RGS6: variants seen among roughly 807,000 people sequenced by gnomAD.
The protein encoded by RGS6 is regulator of G-protein signaling 6.
Under a neutral mutation model 78.5 loss-of-function variants are expected in RGS6, and 30 were observed. The observed-to-expected ratio is 0.38, with a 90% CI of 0.29 to 0.52. The LOEUF is 0.52. Among genes scored for constraint, RGS6 ranks in the 20% least tolerant of loss-of-function variants. The probability of loss-of-function intolerance (pLI) is 0.85; values close to 1 mark genes in which losing one functional copy is unlikely to be tolerated. For synonymous variants in RGS6, 206 were observed against 206.0 expected (o/e 1.00, Z 0.00); for missense variants, 495 against 609.7 (o/e 0.81, Z 1.98).
chr14:72,527,560 T>C lies in RGS6; in HGVS notation c.1279-8626T>C, dbSNP rs554396563. On this transcript the variant is annotated intron_variant, in intron 15 of 17. Coordinates refer to ENST00000553525, the MANE Select transcript of RGS6 (RefSeq NM_001204424.2). Reference sequence around the variant, plus strand: ...CTGAAATAGTACAGCTAGACTCTGCTCCCAAATCCTCTTTGCTTCTTTCTC... The same window carrying C: ...CTGAAATAGTACAGCTAGACTCTGCCCCCAAATCCTCTTTGCTTCTTTCTC... 2.6e-5 allele frequency among the ~76,000 whole-genome samples: 4 copies of C among 152,316 alleles called. No individual in the cohort carries two copies. In the South Asian group the frequency reaches 8.3e-4, roughly 32 times the overall value.
intron 2 of RGS6, among the ~76,000 whole-genome samples, chr14:72,292,825 C>G (rs753292680): frequency 1.2e-4 from 19 of 152,224 alleles, no homozygotes; most frequent in Admixed American, 1.0e-3. Flanking sequence ...TGAAATCTCA[C>G]CACCTCCTGA....
intron 6 of RGS6, among the ~76,000 whole-genome samples, chr14:72,463,160 A>T (rs571635070): frequency 2.6e-5 from 4 of 152,202 alleles, no homozygotes; most frequent in Non-Finnish European, 5.9e-5. Context: ...GAGATGTGAG[A>T]TATAGGTAAG....
At chr14:72,369,134 A>ATG (rs1350790660) in intron 3 of RGS6, among the ~76,000 whole-genome samples, 4 of 152,198 alleles carry the variant, frequency 2.6e-5, no homozygotes, top group African/African-American at 9.6e-5. Flanking sequence ...CCTGAGCCAC[A>ATG]TGTGGCCCAT....
intron 2 of RGS6, among the ~76,000 whole-genome samples, chr14:72,262,927 G>A (rs182103630): frequency 6.6e-6 from 1 of 152,190 alleles, no homozygotes; most frequent in African/African-American, 2.4e-5. Flanking sequence ...TCCTGTGGTG[G>A]CATTGATTAC....
intron 1 of RGS6, among the ~76,000 whole-genome samples, chr14:71,935,810 T>A (rs1486232650): frequency 6.6e-6 from 1 of 151,784 alleles, no homozygotes; most frequent in Non-Finnish European, 1.5e-5. Flanking sequence ...TGCTTTGACA[T>A]GAGAATGATC....
the RGS6 span, among the ~76,000 whole-genome samples, chr14:72,607,690 T>A: frequency 4.2e-4 from 64 of 152,324 alleles, no homozygotes; most frequent in African/African-American, 1.4e-3. Flanking sequence ...TTTTGTTATA[T>A]GAGCCTAAGT....
chr14:72,034,346 T>A (rs1369188679), intron 2 of RGS6, among the ~76,000 whole-genome samples: 1 of 152,130 alleles, frequency 6.6e-6, no homozygotes, highest in East Asian at 1.9e-4. Flanking sequence ...AATTTCTTTC[T>A]ATTAATGAAA....
At chr14:72,498,926 C>T (rs928070983) in intron 13 of RGS6, among the ~76,000 whole-genome samples, 1 of 152,182 alleles carries the variant, frequency 6.6e-6, no homozygotes, top group African/African-American at 2.4e-5. Context: ...CAAGGTTCCC[C>T]TCTGGGTCCC....
chr14:72,159,468 A>G (rs2096823029), intron 2 of RGS6, among the ~76,000 whole-genome samples: 2 of 151,614 alleles, frequency 1.3e-5, no homozygotes, highest in Admixed American at 1.3e-4. Context: ...CCTCTCAGTC[A>G]ATTGTGATCT....
chr14:72,031,635 C>T (rs1032901193), intron 2 of RGS6, among the ~76,000 whole-genome samples: 3 of 152,188 alleles, frequency 2.0e-5, no homozygotes, highest in African/African-American at 2.4e-5. Context: ...CTCACAGTCA[C>T]CAAAGCAGCA....
At chr14:72,001,478 ACACACACACACACACAC>A (rs1566993099) in intron 2 of RGS6, among the ~76,000 whole-genome samples, 32 of 3,028 alleles carry the variant, frequency 0.011, no homozygotes, top group African/African-American at 0.017. Context: ...CAGAACACAC[ACACACACACACACACAC>A]ACACACACAC....
chr14:72,620,846 C>T, the RGS6 span, among the ~76,000 whole-genome samples: 4 of 152,336 alleles, frequency 2.6e-5, no homozygotes, highest in African/African-American at 4.8e-5. Flanking sequence ...CATCTAATCA[C>T]GTTTGTTTTC....
chr14:72,455,020 A>T (rs1462675461), intron 4 of RGS6, among the ~76,000 whole-genome samples: 1 of 152,172 alleles, frequency 6.6e-6, no homozygotes, highest in Admixed American at 6.5e-5. Context: ...TTCAACTTTA[A>T]TTGCGCATTT....
At chr14:72,056,687 A>T (rs1374904009) in intron 2 of RGS6, among the ~76,000 whole-genome samples, 3 of 152,066 alleles carry the variant, frequency 2.0e-5, no homozygotes, top group African/African-American at 7.2e-5. Flanking sequence ...CTCCCCTGCC[A>T]CCCCACAGAG....
chr14:72,461,823 T>A (rs1597852902), intron 6 of RGS6, among the ~76,000 whole-genome samples: 1 of 152,322 alleles, frequency 6.6e-6, no homozygotes, highest in South Asian at 2.1e-4. Flanking sequence ...CTGGGTGATC[T>A]TGGCAAATTA....
intron 2 of RGS6, among the ~76,000 whole-genome samples, chr14:72,166,303 G>A (rs933617389): frequency 6.6e-6 from 1 of 151,956 alleles, no homozygotes; most frequent in Non-Finnish European, 1.5e-5. Flanking sequence ...AAATTGAAAA[G>A]CTCCCATTTT....
At chr14:72,226,316 C>T (rs1370829410) in intron 2 of RGS6, among the ~76,000 whole-genome samples, 1 of 152,170 alleles carries the variant, frequency 6.6e-6, no homozygotes, top group Non-Finnish European at 1.5e-5. Context: ...TTGGTATGTT[C>T]TGGCTTAGCA....
chr14:72,109,696 C>G (rs536098957), intron 2 of RGS6, among the ~76,000 whole-genome samples: 2 of 152,170 alleles, frequency 1.3e-5, no homozygotes, highest in Non-Finnish European at 2.9e-5. Context: ...AGTATATACA[C>G]TTTATTTCTT....
At chr14:72,032,112 G>A (rs1040490293) in intron 2 of RGS6, among the ~76,000 whole-genome samples, 1 of 152,122 alleles carries the variant, frequency 6.6e-6, no homozygotes, top group Non-Finnish European at 1.5e-5. Flanking sequence ...TTCATATAGA[G>A]ACCACACCTT....
Sources: allele counts gnomAD v4.1 joint callset (sites outside exome capture counted in the v4.1 genomes callset), GRCh38; gene constraint gnomAD v4.1.1; transcripts MANE v1.5; gene names NCBI Gene and HGNC (gene_info 2026-07-23, HGNC 2026-07-21).